The following FMNL2 variants were observed in gnomAD, a reference collection of about 807,000 sequenced individuals.
The protein encoded by FMNL2 is formin like 2.
FMNL2 carries 51 observed loss-of-function variants against 130.2 expected under a neutral mutation model. That is an observed-to-expected ratio of 0.39 (90% CI 0.31 to 0.49). The LOEUF (loss-of-function observed/expected upper bound fraction) is 0.49. FMNL2 is among the 20% of genes least tolerant of loss of function. The pLI is 0.85. For synonymous variants in FMNL2, 465 were observed against 467.1 expected, an observed-to-expected ratio of 1.00 and a Z score of 0.06; for missense variants, 977 against 1,316.2, an observed-to-expected ratio of 0.74 and a Z score of 3.99.
chr2:152,567,313 A>G (rs865890370), intron 6 of FMNL2, among the ~76,000 whole-genome samples: 1 of 152,208 alleles, frequency 6.6e-6, no homozygotes, highest in Non-Finnish European at 1.5e-5. Flanking sequence ...TTCAAAAAGT[A>G]TGCACTGAAA....
intron 1 of FMNL2, among the ~76,000 whole-genome samples, chr2:152,360,615 G>A (rs1442284013): frequency 2.6e-5 from 4 of 152,130 alleles, no homozygotes; most frequent in African/African-American, 4.8e-5. Context: ...AATTGACAGC[G>A]ACTGGTGCTA....
chr2:152,647,691 T>G, intron 25 of FMNL2, 105 bp from the exon 26 acceptor site: 1 of 1,066,378 alleles, frequency 9.4e-7, no homozygotes, highest in Non-Finnish European at 1.5e-6. Flanking sequence ...ATTAGCTGAC[T>G]TTTCTACACA....
At chr2:152,543,979 A>T (rs1178590884) in intron 3 of FMNL2, among the ~76,000 whole-genome samples, 1 of 152,194 alleles carries the variant, frequency 6.6e-6, no homozygotes, top group South Asian at 2.1e-4. Flanking sequence ...AATGTGGCAC[A>T]CACATTTCTT....
rs562972535 is a variant in FMNL2 at position 152,448,700 on chromosome 2, G to A, written c.118-73243G>A. 3.3e-5 allele frequency among the ~76,000 whole-genome samples: 5 copies of A among 152,298 alleles called. No homozygotes were observed. The South Asian group carries it at 6.2e-4, about 19-fold the overall frequency. On this transcript the variant is annotated intron_variant, in intron 1 of 25. Coordinates refer to ENST00000288670, the MANE Select transcript of FMNL2 (RefSeq NM_052905.4). ...CTATGCATTAGGCTCTGTAATTCTC[G>A]TGAAGCCTTGCACCATTTTCAGCAT...
intron 5 of FMNL2, among the ~76,000 whole-genome samples, chr2:152,560,271 T>G (rs1464094728): frequency 6.6e-6 from 1 of 151,440 alleles, no homozygotes; most frequent in Non-Finnish European, 1.5e-5. Context: ...TATACAAGAG[T>G]GAGCAAGTTA....
At position 152,502,420 on chromosome 2, in the gene FMNL2, C is replaced by CT. The variant is rs146868499; in HGVS notation, c.118-19522dup. Among the ~76,000 whole-genome samples the CT allele has an allele frequency of 8.5e-3, 1,295 of 152,364 alleles. 24 individuals carry two copies. The highest frequency in any genetic ancestry group is 0.029 in the African/African-American group (1,218 of 41,578). Reference sequence around the variant, plus strand: ...ACCGCCTTTGGGCCGGGCGTGGTGGCTCATGCCTGTAATTCCAGCACTTTG... The same window carrying CT: ...ACCGCCTTTGGGCCGGGCGTGGTGGCTTCATGCCTGTAATTCCAGCACTTTG... On this transcript the variant is annotated intron_variant, in intron 1 of 25. Transcript: ENST00000288670.
chr2:152,501,705 C>CTT (rs773450539), intron 1 of FMNL2, among the ~76,000 whole-genome samples: 22 of 146,280 alleles, frequency 1.5e-4, no homozygotes, highest in African/African-American at 2.8e-4. Context: ...ATTTGCGTGA[C>CTT]TTTTTTTTTT....
At chr2:152,634,006 A>G (rs1292050941) in intron 21 of FMNL2, among the ~76,000 whole-genome samples, 1 of 152,210 alleles carries the variant, frequency 6.6e-6, no homozygotes, top group Non-Finnish European at 1.5e-5. Flanking sequence ...GCACTATCAT[A>G]AGTATTAGAG....
chr2:152,550,864 G>C (rs921118702), intron 4 of FMNL2, among the ~76,000 whole-genome samples: 4 of 152,132 alleles, frequency 2.6e-5, no homozygotes, highest in African/African-American at 7.2e-5. Flanking sequence ...TAGGCTGTGC[G>C]TGGTGGTTCA....
In FMNL2 at chr2:152,503,636, C is replaced by T. The variant is rs114899560; in HGVS notation, c.118-18307C>T. Among the ~76,000 whole-genome samples the T allele has an allele frequency of 6.3e-3, 966 of 152,184 alleles. 8 individuals are homozygous for T. The highest frequency in any genetic ancestry group is 0.022 in the African/African-American group (915 of 41,532). On this transcript the variant is annotated intron_variant, in intron 1 of 25. Transcript: ENST00000288670. Reference sequence around the variant, plus strand: ...GTTTGGGGGTGTGTTGGGGGCTGTGCTAAAAAGACAGCTAGAGGAGCAAGA... The same window carrying T: ...GTTTGGGGGTGTGTTGGGGGCTGTGTTAAAAAGACAGCTAGAGGAGCAAGA...
At chr2:152,503,654 G>A (rs1197155326) in intron 1 of FMNL2, among the ~76,000 whole-genome samples, 1 of 152,142 alleles carries the variant, frequency 6.6e-6, no homozygotes, top group Non-Finnish European at 1.5e-5. Flanking sequence ...ACAGCTAGAG[G>A]AGCAAGAAAC....
chr2:152,395,868 G>C (rs1178211846), intron 1 of FMNL2, among the ~76,000 whole-genome samples: 4 of 151,064 alleles, frequency 2.6e-5, no homozygotes, highest in African/African-American at 9.7e-5. Flanking sequence ...ATAAATGAAG[G>C]TGGGAGTCGT....
chr2:152,548,060 G>T (rs769623097), intron 3 of FMNL2, among the ~76,000 whole-genome samples: 21 of 152,168 alleles, frequency 1.4e-4, no homozygotes, highest in Non-Finnish European at 2.5e-4. Flanking sequence ...ATTCAGTGAA[G>T]AAAGAAGCCC....
intron 17 of FMNL2, among the ~76,000 whole-genome samples, chr2:152,627,038 G>A (rs1474592452): frequency 6.6e-6 from 1 of 152,196 alleles, no homozygotes; most frequent in East Asian, 1.9e-4. Context: ...ACTCTCTTAT[G>A]CGGGCCTCCA....
intron 9 of FMNL2, among the ~76,000 whole-genome samples, chr2:152,582,664 T>A (rs1404654671): frequency 1.3e-5 from 2 of 152,194 alleles, no homozygotes; most frequent in East Asian, 3.8e-4. Context: ...TTATATATCA[T>A]GTATAAATAT....
At chr2:152,419,191 C>T (rs79321998) in intron 1 of FMNL2, among the ~76,000 whole-genome samples, 2,045 of 152,036 alleles carry the variant, frequency 0.013, 46 homozygotes, top group African/African-American at 0.047. Context: ...ATTATAGTTG[C>T]AAATACTTAA....
intron 1 of FMNL2, among the ~76,000 whole-genome samples, chr2:152,499,686 TTC>T (rs931884889): frequency 6.6e-6 from 1 of 152,204 alleles, no homozygotes; most frequent in Non-Finnish European, 1.5e-5. Context: ...GTGAATAGGT[TTC>T]TGCTGGCAGA....
chr2:152,390,489 C>T (rs1339740255), intron 1 of FMNL2: 35 of 1,537,854 alleles, frequency 2.3e-5, no homozygotes, highest in African/African-American at 2.7e-5. Flanking sequence ...CAATGAGACT[C>T]GCAGCATGGT....
rs1421384630 is a variant in FMNL2 at position 152,412,447 on chromosome 2, TATA to T, written c.117+76728_117+76730del. Among the ~76,000 whole-genome samples the T allele has an allele frequency of 4.8e-3, 40 of 8,258 alleles. 1 individual carries two copies. Among genetic ancestry groups the T allele is most frequent in the Middle Eastern group, 0.071 (1 of 14 alleles). The allele number at this position is 8,258 out of a possible 152,430, so 5.4% of individuals were successfully genotyped here. A position where few individuals can be genotyped will look rare whatever the true frequency, so the allele number is the denominator to read the frequency against. ...TCCTCTTACTTTCTTCTGTATATTT[TATA>T]TATATATATATATATATATATATAT... On this transcript the variant is annotated intron_variant, in intron 1 of 25. Coordinates refer to ENST00000288670, the MANE Select transcript of FMNL2 (RefSeq NM_052905.4).
Sources: allele counts gnomAD v4.1 joint callset (sites outside exome capture counted in the v4.1 genomes callset), GRCh38; gene constraint gnomAD v4.1.1; transcripts MANE v1.5; gene names NCBI Gene and HGNC (gene_info 2026-07-23, HGNC 2026-07-21).